Variants in LOC128462377 observed in about 807,000 individuals in gnomAD.
chr16:89,320,587 C>T, the LOC128462377 span, among the ~76,000 whole-genome samples: 3 of 152,298 alleles, frequency 2.0e-5, no homozygotes, highest in East Asian at 1.9e-4. Context: ...GTCCCAGCTT[C>T]GTGGACTGTC....
the LOC128462377 span, among the ~76,000 whole-genome samples, chr16:89,358,159 G>A: frequency 4.6e-5 from 7 of 152,314 alleles, no homozygotes; most frequent in East Asian, 7.7e-4. Flanking sequence ...ACCCACCCAC[G>A]TGGCTTTGCT....
At chr16:89,323,191 A>G in the LOC128462377 span, 1 of 685,900 alleles carries the variant, frequency 1.5e-6, no homozygotes, top group Non-Finnish European at 2.2e-6. Context: ...CACACCTCAC[A>G]GGGAGAGAAG....
the LOC128462377 span, among the ~76,000 whole-genome samples, chr16:89,349,254 C>A: frequency 6.7e-6 from 1 of 150,136 alleles, no homozygotes; most frequent in Non-Finnish European, 1.5e-5. Flanking sequence ...ACAGGCCAGG[C>A]GCAGTGGCTC....
chr16:89,318,921 A>G, the LOC128462377 span, among the ~76,000 whole-genome samples: 1 of 152,160 alleles, frequency 6.6e-6, no homozygotes, highest in Non-Finnish European at 1.5e-5. Flanking sequence ...TACCTGAACC[A>G]ATGAATTTTA....
the LOC128462377 span, among the ~76,000 whole-genome samples, chr16:89,381,016 C>T: frequency 2.6e-5 from 4 of 152,032 alleles, no homozygotes; most frequent in African/African-American, 4.8e-5. Context: ...GGTAAACAAT[C>T]GATCCAAAAA....
At chr16:89,325,003 T>C in the LOC128462377 span, 1 of 160,822 alleles carries the variant, frequency 6.2e-6, no homozygotes, top group Non-Finnish European at 1.4e-5. Context: ...AGGAAACTAG[T>C]CCACTCTCAT....
chr16:89,379,334 T>A, the LOC128462377 span, among the ~76,000 whole-genome samples: 197 of 152,314 alleles, frequency 1.3e-3, 1 homozygote, highest in African/African-American at 4.5e-3. Context: ...ATAAAATAAT[T>A]TTAAATGGCT....
the LOC128462377 span, among the ~76,000 whole-genome samples, chr16:89,320,539 G>A: frequency 1.3e-5 from 2 of 152,200 alleles, no homozygotes; most frequent in South Asian, 2.1e-4. Flanking sequence ...CCCAGGCCAC[G>A]CATTCCTTGT....
chr16:89,378,252 T>C, the LOC128462377 span, among the ~76,000 whole-genome samples: 1 of 152,174 alleles, frequency 6.6e-6, no homozygotes, highest in Non-Finnish European at 1.5e-5. Context: ...GTTGACTGTT[T>C]ATGTGATCAG....
chr16:89,364,837 C>A, the LOC128462377 span, among the ~76,000 whole-genome samples: 2 of 152,212 alleles, frequency 1.3e-5, no homozygotes. Context: ...AGCACCACGG[C>A]CAACCTGATC....
the LOC128462377 span, among the ~76,000 whole-genome samples, chr16:89,384,427 G>T: frequency 6.6e-6 from 1 of 151,942 alleles, no homozygotes; most frequent in African/African-American, 2.4e-5. Flanking sequence ...GCTATGTGGG[G>T]GGCTGAGGCA....
chr16:89,402,845 G>A, the LOC128462377 span, among the ~76,000 whole-genome samples: 3 of 150,990 alleles, frequency 2.0e-5, no homozygotes, highest in Non-Finnish European at 3.0e-5. Flanking sequence ...GGGAGGAGGT[G>A]GGCGGGGTGG....
chr16:89,415,830 A>AAAAAAAAAAAAAAAAAAAAAAAAAC, the LOC128462377 span, among the ~76,000 whole-genome samples: 2 of 92,110 alleles, frequency 2.2e-5, 1 homozygote, highest in Non-Finnish European at 4.3e-5. Context: ...ACTCTGTCTC[A>AAAAAAAAAAAAAAAAAAAAAAAAAC]AAAAAAAAAA....
chr16:89,333,745 T>C, the LOC128462377 span, among the ~76,000 whole-genome samples: 414 of 152,320 alleles, frequency 2.7e-3, 6 homozygotes, highest in African/African-American at 9.0e-3. Flanking sequence ...CAGGACATCT[T>C]GGCTGCTTCC....
the LOC128462377 span, among the ~76,000 whole-genome samples, chr16:89,338,878 G>T: frequency 6.6e-6 from 1 of 152,002 alleles, no homozygotes; most frequent in African/African-American, 2.4e-5. Context: ...ATGAATACTT[G>T]GAGCAAAATA....
At chr16:89,367,137 G>A in the LOC128462377 span, among the ~76,000 whole-genome samples, 4 of 151,860 alleles carry the variant, frequency 2.6e-5, no homozygotes, top group Non-Finnish European at 4.4e-5. Context: ...TCTCCACCCC[G>A]CACCCATCGG....
At chr16:89,355,020 C>T in the LOC128462377 span, among the ~76,000 whole-genome samples, 1 of 152,186 alleles carries the variant, frequency 6.6e-6, no homozygotes, top group African/African-American at 2.4e-5. Context: ...TGAAGACCCA[C>T]CAGATGCAGG....
the LOC128462377 span, among the ~76,000 whole-genome samples, chr16:89,409,850 A>C: frequency 2.0e-5 from 3 of 151,972 alleles, no homozygotes; most frequent in South Asian, 6.2e-4. Context: ...TTATTTATTT[A>C]TTTTTTGAGA....
chr16:89,366,696 G>A, the LOC128462377 span, among the ~76,000 whole-genome samples: 7 of 152,214 alleles, frequency 4.6e-5, 1 homozygote, highest in Middle Eastern at 6.8e-3. Context: ...ACAGAGGTGC[G>A]GCACAGTCAA....
Sources: allele counts gnomAD v4.1 joint callset (sites outside exome capture counted in the v4.1 genomes callset), GRCh38; gene constraint gnomAD v4.1.1; transcripts MANE v1.5.